Variants in PPP3CC observed in about 807,000 individuals in gnomAD.
The protein encoded by PPP3CC is serine/threonine-protein phosphatase 2B catalytic subunit gamma isoform.
Under a neutral mutation model 60.3 loss-of-function variants are expected in PPP3CC, and 35 were observed. The observed-to-expected ratio is 0.58, with a 90% CI of 0.44 to 0.77. The LOEUF (loss-of-function observed/expected upper bound fraction) is 0.77, where lower values mean the gene tolerates loss of function less well. PPP3CC is among the 30% of genes least tolerant of loss of function. The pLI, the probability that PPP3CC is intolerant of heterozygous loss-of-function variation, is 0.00. For synonymous variants in PPP3CC, 206 were observed against 224.3 expected, an observed-to-expected ratio of 0.92 and a Z score of 0.73; for missense variants, 570 against 628.9, an observed-to-expected ratio of 0.91 and a Z score of 1.00.
At chr8:22,496,489 T>TTTTTTTTTTTTTTTG (rs1838588495) in intron 3 of PPP3CC, among the ~76,000 whole-genome samples, 1 of 77,298 alleles carries the variant, frequency 1.3e-5, no homozygotes, top group South Asian at 4.8e-4. Flanking sequence ...TGTAATCTTT[T>TTTTTTTTTTTTTTTG]TTTTTTTTTT....
chr8:22,492,930 C>T, intron 3 of PPP3CC: 1 of 1,242,296 alleles, frequency 8.0e-7, no homozygotes, highest in Non-Finnish European at 1.2e-6. Context: ...CTTAAACCAG[C>T]TTGGTGCACA....
At chr8:22,479,550 C>G (rs1161120333) in intron 3 of PPP3CC, among the ~76,000 whole-genome samples, 1 of 151,736 alleles carries the variant, frequency 6.6e-6, no homozygotes, top group East Asian at 1.9e-4. Flanking sequence ...AAAAGACCAG[C>G]CTGGCGAACA....
intron 1 of PPP3CC, among the ~76,000 whole-genome samples, chr8:22,456,708 C>T (rs1158683827): frequency 1.3e-5 from 2 of 152,152 alleles, no homozygotes; most frequent in Non-Finnish European, 2.9e-5. Flanking sequence ...TCAACAGTAC[C>T]GTAACCACAA....
chr8:22,448,271 A>G (rs1481633794), intron 1 of PPP3CC, among the ~76,000 whole-genome samples: 2 of 152,238 alleles, frequency 1.3e-5, no homozygotes, highest in Non-Finnish European at 2.9e-5. Flanking sequence ...ACAGTCAAGT[A>G]CAGTGTCAAG....
intron 10 of PPP3CC, among the ~76,000 whole-genome samples, chr8:22,530,397 A>G (rs900743418): frequency 4.6e-5 from 7 of 151,564 alleles, no homozygotes; most frequent in African/African-American, 4.9e-5. Context: ...AGAGGTTGCA[A>G]TGAGCGGAGA....
chr8:22,515,690 A>G (rs1249674958), intron 6 of PPP3CC, among the ~76,000 whole-genome samples: 1 of 152,106 alleles, frequency 6.6e-6, no homozygotes, highest in Non-Finnish European at 1.5e-5. Context: ...ATCTCATTGA[A>G]GTTTTGATTT....
intron 5 of PPP3CC, among the ~76,000 whole-genome samples, chr8:22,512,809 G>T (rs545476446): frequency 6.7e-4 from 102 of 152,334 alleles, no homozygotes; most frequent in African/African-American, 2.4e-3. Context: ...GGGCGCGGTG[G>T]TTCACGCCTG....
At chr8:22,509,930 A>C in intron 4 of PPP3CC, among the ~76,000 whole-genome samples, 1 of 151,862 alleles carries the variant, frequency 6.6e-6, no homozygotes, top group East Asian at 1.9e-4. Context: ...TCACGCCTGT[A>C]ATCCCAGCAC....
At chr8:22,485,097 T>A (rs1479512550) in intron 3 of PPP3CC, among the ~76,000 whole-genome samples, 1 of 152,196 alleles carries the variant, frequency 6.6e-6, no homozygotes, top group Non-Finnish European at 1.5e-5. Flanking sequence ...CCTTACGATG[T>A]TTGAACATGT....
chr8:22,496,485 C>CTTTT lies in PPP3CC; in HGVS notation c.373-1489_373-1486dup, dbSNP rs71206523. 2.3e-3 allele frequency among the ~76,000 whole-genome samples: 100 copies of CTTTT among 43,584 alleles called. 28 individuals carry two copies. Among genetic ancestry groups the CTTTT allele is most frequent in the African/African-American group, 3.9e-3 (42 of 10,890 alleles). The allele number at this position is 43,584 out of a possible 152,430, so 28.6% of individuals were successfully genotyped here. On this transcript the variant is annotated intron_variant, in intron 3 of 13. Transcript: ENST00000240139. ...AAGTTAAATTAGGGAGAACTGTAAT[C>CTTTT]TTTTTTTTTTTTTTTTTTTTTTTTT...
intron 3 of PPP3CC, among the ~76,000 whole-genome samples, chr8:22,480,058 T>C (rs1563717513): frequency 6.6e-6 from 1 of 152,156 alleles, no homozygotes; most frequent in Non-Finnish European, 1.5e-5. Context: ...CAGCAACCTA[T>C]ATTTAAGAGT....
intron 1 of PPP3CC, among the ~76,000 whole-genome samples, chr8:22,465,539 T>C (rs1229267865): frequency 2.6e-5 from 4 of 152,160 alleles, no homozygotes; most frequent in South Asian, 2.1e-4. Flanking sequence ...CTCTAATGAA[T>C]GCATTAATGT....
intron 1 of PPP3CC, among the ~76,000 whole-genome samples, chr8:22,447,175 A>ATTTTT (rs1161858120): frequency 5.2e-5 from 6 of 116,288 alleles, no homozygotes; most frequent in Non-Finnish European, 1.1e-4. Context: ...TGTCCAACTA[A>ATTTTT]TTTTTTTTTT....
At chr8:22,444,442 AT>A (rs1161496026) in intron 1 of PPP3CC, among the ~76,000 whole-genome samples, 4 of 152,342 alleles carry the variant, frequency 2.6e-5, no homozygotes, top group South Asian at 2.1e-4. Context: ...TATCATTAAC[AT>A]TTGAAAATAT....
intron 3 of PPP3CC, among the ~76,000 whole-genome samples, chr8:22,475,896 A>G (rs1482267272): frequency 1.3e-5 from 2 of 152,226 alleles, no homozygotes; most frequent in Non-Finnish European, 2.9e-5. Context: ...TGAAGATAGT[A>G]TACAGGATTG....
At chr8:22,489,742 G>GTATATATTATATAT (rs1249813650) in intron 3 of PPP3CC, among the ~76,000 whole-genome samples, 3 of 62,868 alleles carry the variant, frequency 4.8e-5, no homozygotes, top group Non-Finnish European at 3.7e-5. Flanking sequence ...TATATAATAA[G>GTATATATTATATAT]TATATATTAT....
intron 4 of PPP3CC, among the ~76,000 whole-genome samples, chr8:22,507,249 A>C (rs1479424134): frequency 6.6e-6 from 1 of 152,180 alleles, no homozygotes; most frequent in Non-Finnish European, 1.5e-5. Context: ...ATTTTGTTGA[A>C]AATTTTGTTT....
chr8:22,470,059 T>TACACACAC (rs55658283), intron 1 of PPP3CC, among the ~76,000 whole-genome samples: 9 of 146,074 alleles, frequency 6.2e-5, no homozygotes, highest in Admixed American at 4.9e-4. Flanking sequence ...TATATATATA[T>TACACACAC]ACACACACAC....
At chr8:22,525,411 CTTCT>C (rs1392499452) in intron 8 of PPP3CC, among the ~76,000 whole-genome samples, 1 of 151,686 alleles carries the variant, frequency 6.6e-6, no homozygotes, top group East Asian at 1.9e-4. Flanking sequence ...TACTGTTGCT[CTTCT>C]TTCTCTTTCT....
Sources: gnomAD v4.1 joint callset for allele counts (sites outside exome capture counted in the v4.1 genomes callset) on GRCh38, gnomAD v4.1.1 for gene constraint, MANE v1.5 for transcripts, NCBI Gene and HGNC (gene_info 2026-07-23, HGNC 2026-07-21) for gene names.